GPC5: variants seen among roughly 807,000 people sequenced by gnomAD.
GPC5 encodes glypican 5, also known as glypican-5.
In GPC5, 47 loss-of-function variants were observed where a neutral mutation model predicts 53.9. That is an observed-to-expected ratio of 0.87 (90% CI 0.69 to 1.11). The LOEUF (loss-of-function observed/expected upper bound fraction) is 1.11. Among genes scored for constraint, GPC5 ranks in the 50% most tolerant of loss-of-function variants. GPC5 has a pLI of 0.00. For missense variants in GPC5, 748 were observed against 713.1 expected (o/e 1.05, Z -0.56); for synonymous variants, 286 against 263.3 (o/e 1.09, Z -0.84).
chr13:91,546,899 G>C (rs2030325793), intron 2 of GPC5, among the ~76,000 whole-genome samples: 1 of 152,186 alleles, frequency 6.6e-6, no homozygotes, highest in African/African-American at 2.4e-5. Context: ...TTTTCAGACT[G>C]TTTTTCTAGT....
At chr13:92,298,030 C>A (rs1171106334) in intron 7 of GPC5, among the ~76,000 whole-genome samples, 1 of 152,084 alleles carries the variant, frequency 6.6e-6, no homozygotes, top group Non-Finnish European at 1.5e-5. Flanking sequence ...GACCAAGAAC[C>A]CACCAATTCC....
At chr13:91,804,001 G>A (rs2038179374) in intron 5 of GPC5, among the ~76,000 whole-genome samples, 1 of 151,974 alleles carries the variant, frequency 6.6e-6, no homozygotes, top group Non-Finnish European at 1.5e-5. Context: ...GAGATATGCA[G>A]AAAGAAATAT....
chr13:92,285,544 T>A (rs1320931853), intron 7 of GPC5, among the ~76,000 whole-genome samples: 1 of 152,068 alleles, frequency 6.6e-6, no homozygotes, highest in Admixed American at 6.6e-5. Flanking sequence ...ACAACAGAGA[T>A]ATAGACCAAT....
intron 7 of GPC5, among the ~76,000 whole-genome samples, chr13:92,164,288 G>A (rs561120905): frequency 6.6e-6 from 1 of 152,184 alleles, no homozygotes; most frequent in South Asian, 2.1e-4. Flanking sequence ...TATAAGACAA[G>A]ACAAGTCCCT....
chr13:91,793,294 G>A (rs1312433392), intron 5 of GPC5, among the ~76,000 whole-genome samples: 1 of 152,010 alleles, frequency 6.6e-6, no homozygotes, highest in Non-Finnish European at 1.5e-5. Flanking sequence ...GAACAGCATG[G>A]GGAAAAACCG....
chr13:92,276,803 T>G (rs553565635), intron 7 of GPC5, among the ~76,000 whole-genome samples: 53 of 152,196 alleles, frequency 3.5e-4, no homozygotes, highest in African/African-American at 1.2e-3. Flanking sequence ...TTATTAACAT[T>G]GCCAAACATT....
chr13:91,563,297 C>T (rs951366143), intron 2 of GPC5, among the ~76,000 whole-genome samples: 6 of 151,976 alleles, frequency 3.9e-5, no homozygotes, highest in East Asian at 1.9e-4. Context: ...AGATATGGAC[C>T]GCCTGCTAAT....
intron 2 of GPC5, among the ~76,000 whole-genome samples, chr13:91,669,425 A>G (rs1594405525): frequency 6.6e-6 from 1 of 152,212 alleles, no homozygotes; most frequent in East Asian, 1.9e-4. Context: ...AGGGTTGATC[A>G]GGGGATGGTT....
chr13:92,233,744 G>T (rs2042548698), intron 7 of GPC5, among the ~76,000 whole-genome samples: 2 of 151,976 alleles, frequency 1.3e-5, no homozygotes, highest in Non-Finnish European at 1.5e-5. Context: ...TGCCGTGTTG[G>T]TGTGCTGTAC....
intron 2 of GPC5, among the ~76,000 whole-genome samples, chr13:91,643,694 G>T (rs2034488776): frequency 6.6e-6 from 1 of 152,120 alleles, no homozygotes; most frequent in Non-Finnish European, 1.5e-5. Context: ...CTTGCAGCTT[G>T]CTGGCAATGG....
Position 92,176,421 on chromosome 13 carries a change from G to T in GPC5, c.1561+31432G>T, listed in dbSNP as rs181365216. On this transcript the variant is annotated intron_variant, in intron 7 of 7. Transcript: ENST00000377067. ...GTAAGTGGTGGTTTGTGTTTTCTTT[G>T]CATTTATGCTCCTAACCACTGGGTA... Among the ~76,000 whole-genome samples, 16 of 152,234 alleles carry T rather than the reference G, an allele frequency of 1.1e-4. No homozygotes were observed. The East Asian group carries it at 2.9e-3, about 28-fold the overall frequency.
At chr13:91,754,567 C>T (rs1290316934) in intron 4 of GPC5, among the ~76,000 whole-genome samples, 2 of 152,064 alleles carry the variant, frequency 1.3e-5, no homozygotes, top group Non-Finnish European at 2.9e-5. Context: ...GCCTGGTCTT[C>T]ATTCCTAGAA....
At chr13:92,384,333 A>G (rs995948141) in intron 7 of GPC5, among the ~76,000 whole-genome samples, 14 of 152,114 alleles carry the variant, frequency 9.2e-5, no homozygotes, top group Non-Finnish European at 1.8e-4. Context: ...GGGACTCAGG[A>G]TGAGATATCA....
chr13:92,345,780 C>T (rs2043406284), intron 7 of GPC5, among the ~76,000 whole-genome samples: 2 of 152,186 alleles, frequency 1.3e-5, no homozygotes, highest in Middle Eastern at 3.4e-3. Flanking sequence ...AGAAAGCCCA[C>T]TTCAGTCTCA....
intron 6 of GPC5, among the ~76,000 whole-genome samples, chr13:92,040,471 C>T (rs1012724786): frequency 4.6e-5 from 7 of 152,200 alleles, no homozygotes; most frequent in African/African-American, 1.4e-4. Flanking sequence ...TGAATGAATG[C>T]ATGAATACAA....
intron 6 of GPC5, among the ~76,000 whole-genome samples, chr13:92,027,739 A>G (rs550501409): frequency 6.6e-6 from 1 of 152,282 alleles, no homozygotes; most frequent in African/African-American, 2.4e-5. Context: ...CAGTAAACTT[A>G]CCCATTCACT....
At chr13:92,129,098 T>C (rs977234678) in intron 6 of GPC5, among the ~76,000 whole-genome samples, 7 of 152,206 alleles carry the variant, frequency 4.6e-5, no homozygotes, top group African/African-American at 1.2e-4. Context: ...ATTTTGAAGC[T>C]GAATAGGGTG....
At chr13:92,388,241 A>C (rs1003928478) in intron 7 of GPC5, among the ~76,000 whole-genome samples, 1 of 152,102 alleles carries the variant, frequency 6.6e-6, no homozygotes, top group Non-Finnish European at 1.5e-5. Flanking sequence ...TGAAAAATAA[A>C]AAGAAATTGA....
chr13:92,761,853 C>T (rs1479560070), intron 7 of GPC5, among the ~76,000 whole-genome samples: 4 of 152,034 alleles, frequency 2.6e-5, no homozygotes, highest in African/African-American at 9.7e-5. Flanking sequence ...GCTTTCCCCA[C>T]AGAAATCTTG....
Sources: gnomAD v4.1 joint callset for allele counts (sites outside exome capture counted in the v4.1 genomes callset) on GRCh38, gnomAD v4.1.1 for gene constraint, MANE v1.5 for transcripts, NCBI Gene and HGNC (gene_info 2026-07-23, HGNC 2026-07-21) for gene names.